The following OMD variants were observed in gnomAD, a reference collection of about 807,000 sequenced individuals.
The protein encoded by OMD is KSPG osteomodulin.
Under a neutral mutation model 31.2 loss-of-function variants are expected in OMD, and 19 were observed. The ratio of observed to expected loss-of-function variants is 0.61; its 90% CI spans 0.42 to 0.89. The LOEUF is 0.89. OMD is among the 40% of genes least tolerant of loss of function. OMD has a pLI of 0.00. For missense variants in OMD, 448 were observed against 490.8 expected (o/e 0.91, Z 0.82); for synonymous variants, 155 against 166.4 (o/e 0.93, Z 0.53).
rs35323105 is a variant in OMD at position 92,412,975 on chromosome 9, CTTTTTTTTTTT to C, written c.*2166_*2176del. 1.3e-4 allele frequency among the ~76,000 whole-genome samples: 6 copies of C among 45,246 alleles called. No individual in the cohort carries two copies. The highest frequency in any genetic ancestry group is 2.4e-4 in the Non-Finnish European group (6 of 25,394). The allele number at this position is 45,246 out of a possible 152,430, so 29.7% of individuals were successfully genotyped here. On this transcript the variant is annotated 3_prime_UTR_variant, in exon 3 of 3. Transcript: ENST00000375550. ...AATCGCTGGGTTATATGTAACTAAG[CTTTTTTTTTTT>C]TTTTTTTTTTTTTTTGATATGGACT...
At chr9:92,415,592 T>G (rs1043023089) in intron 2 of OMD, 115 bp from the exon 3 acceptor site, 1 of 458,720 alleles carries the variant, frequency 2.2e-6, no homozygotes, top group African/African-American at 2.0e-5. Flanking sequence ...ATTAAAATAT[T>G]TATAAATTGA....
In OMD at chr9:92,416,072, T is replaced by TATATATATA. The variant is rs368634649; in HGVS notation, c.940+546_940+547insTATATATAT. ...TATATATGTGTGTATATATATATATTTATTTATTTATTTATTTATTTATTT... is the reference window on the plus strand; with the variant it reads ...TATATATGTGTGTATATATATATATTATATATATATATTTATTTATTTATTTATTTATTT... On this transcript the variant is annotated intron_variant, in intron 2 of 2. Coordinates refer to ENST00000375550, the MANE Select transcript of OMD (RefSeq NM_005014.3). 1.1e-3 allele frequency among the ~76,000 whole-genome samples: 143 copies of TATATATATA among 125,394 alleles called. 1 individual carries two copies. The highest frequency in any genetic ancestry group is 6.5e-3 in the South Asian group (26 of 3,998). The allele number at this position is 125,394 out of a possible 152,430, so 82.3% of individuals were successfully genotyped here.
chr9:92,416,490 A>G (rs1415430069), intron 2 of OMD, 129 bp downstream of exon 2: 1 of 601,776 alleles, frequency 1.7e-6, no homozygotes, highest in East Asian at 2.9e-5. Flanking sequence ...GATTTCTGCC[A>G]TTCCCTTAAG....
intron 2 of OMD, among the ~76,000 whole-genome samples, chr9:92,416,068 A>ATATATTTATT (rs1275784821): frequency 2.6e-3 from 363 of 136,988 alleles, no homozygotes; most frequent in African/African-American, 8.6e-3. Context: ...GTATATATAT[A>ATATATTTATT]TATTTATTTA....
At position 92,415,019 on chromosome 9, in the gene OMD, T is replaced by C. The variant is rs1489941034; in HGVS notation, c.*133A>G. ...AAATGATGCAGATGTCACCAACAAC[T>C]TAAATTCAATTCTGATCTTATACTA... is the stretch of plus-strand genomic sequence containing the variant. On this transcript the variant is annotated 3_prime_UTR_variant, in exon 3 of 3. Coordinates refer to ENST00000375550, the MANE Select transcript of OMD (RefSeq NM_005014.3). The C allele has an allele frequency of 3.1e-6, 2 of 639,570 alleles. No homozygotes were observed. Among genetic ancestry groups the C allele is most frequent in the East Asian group, 6.1e-5 (2 of 32,754 alleles). 39.6% of individuals were successfully genotyped at this position (639,570 alleles called of 1,614,324 possible).
chr9:92,416,739 A>G lies in OMD; in HGVS notation c.820T>C (p.Tyr274His), dbSNP rs1302869001. 1.2e-6 allele frequency: 2 copies of G among 1,613,536 alleles called. No individual in the cohort carries two copies. Among genetic ancestry groups the G allele is most frequent in the Non-Finnish European group, 1.7e-6 (2 of 1,179,528 alleles). Residue 274 changes from tyrosine (Y) to histidine (H), a missense_variant, in exon 2 of 3, where the codon TAT becomes CAT. By Grantham distance (83) the Tyr-to-His change is moderately conservative (BLOSUM62 2). Coordinates refer to ENST00000375550, the MANE Select transcript of OMD (RefSeq NM_005014.3). ...ATGTTGGGAAGATTAAAAATATTAT[A>G]TGGGATGTCTTGTAGTTTGTTGTGT... ...MSHNKLQDIP[Y>H]NIFNLPNIVE... is the part of the protein sequence containing the mutation.
chr9:92,420,291 A>G (rs1405203433), intron 1 of OMD, among the ~76,000 whole-genome samples: 1 of 152,120 alleles, frequency 6.6e-6, no homozygotes, highest in Admixed American at 6.5e-5. Context: ...ATACCTCCCA[A>G]CATTGTCAGT....
chr9:92,413,282 C>T lies in OMD; in HGVS notation c.*1870G>A, dbSNP rs537304476. Among the ~76,000 whole-genome samples, 13 of 152,076 alleles carry T rather than the reference C, an allele frequency of 8.5e-5. No individual in the cohort carries two copies. The highest frequency in any genetic ancestry group is 1.3e-4 in the Non-Finnish European group (9 of 68,002). On this transcript the variant is annotated 3_prime_UTR_variant, in exon 3 of 3. Coordinates refer to ENST00000375550, the MANE Select transcript of OMD (RefSeq NM_005014.3). ...GATTACAGGTGTGAGCTAATGCGCC[C>T]GACTATATGTAACTAACTTTTTAAG... is the stretch of plus-strand genomic sequence containing the variant.
chr9:92,416,574 GA>G (rs768563024), intron 2 of OMD, 44 bp downstream of exon 2: 1 of 1,178,794 alleles, frequency 8.5e-7, no homozygotes, highest in South Asian at 1.6e-5. Context: ...AAAAGATCAG[GA>G]TTCCATTCTT....
intron 2 of OMD, among the ~76,000 whole-genome samples, chr9:92,416,070 A>ATATTT (rs1843594950): frequency 7.6e-6 from 1 of 131,326 alleles, no homozygotes; most frequent in African/African-American, 2.7e-5. Context: ...ATATATATAT[A>ATATTT]TTTATTTATT....
At chr9:92,421,720 T>C (rs943917761) in intron 1 of OMD, among the ~76,000 whole-genome samples, 48 of 152,172 alleles carry the variant, frequency 3.2e-4, no homozygotes, top group African/African-American at 1.1e-3. Flanking sequence ...CTATGCTAAG[T>C]TGGTGGAGAA....
chr9:92,418,678 T>C (rs1003007113), intron 1 of OMD, among the ~76,000 whole-genome samples: 18 of 152,158 alleles, frequency 1.2e-4, no homozygotes, highest in African/African-American at 4.3e-4. Context: ...ACAACTTCTA[T>C]TTGCTGATAC....
intron 1 of OMD, among the ~76,000 whole-genome samples, chr9:92,423,627 C>A (rs972205767): frequency 1.3e-5 from 2 of 151,848 alleles, no homozygotes; most frequent in East Asian, 3.9e-4. Flanking sequence ...ACATTTAAAT[C>A]GTAATTAACT....
chr9:92,417,268 G>A lies in OMD; in HGVS notation c.291C>T (p.Tyr97=), dbSNP rs1420141403. ...PNIPMHIQQL[Y]LQFNEIEAVT... ...CAGCCTCAATTTCATTGAACTGAAG[G>A]TAGAGTTGCTGAATGTGCATCGGAA... The change falls in exon 2 of 3, where the codon TAC becomes TAT. Residue 97 remains tyrosine, a synonymous_variant. Transcript: ENST00000375550. The A allele has an allele frequency of 6.2e-7, 1 of 1,614,082 alleles. No homozygotes were observed. Among genetic ancestry groups the A allele is most frequent in the Non-Finnish European group, 8.5e-7 (1 of 1,179,978 alleles).
At chr9:92,419,592 T>C (rs544664187) in intron 1 of OMD, among the ~76,000 whole-genome samples, 2 of 152,240 alleles carry the variant, frequency 1.3e-5, no homozygotes, top group East Asian at 3.9e-4. Context: ...AGCCACTGCA[T>C]CCAGCCTCCT....
rs1050833749 is a variant in OMD at position 92,413,110 on chromosome 9, A to C, written c.*2042T>G. ...GGCAATTCTCCTGCCTCAGCCTCGC[A>C]AGTAGCCGGGATTACAGGCATGTGC... is the stretch of plus-strand genomic sequence containing the variant. On this transcript the variant is annotated 3_prime_UTR_variant, in exon 3 of 3. Transcript: ENST00000375550. Among the ~76,000 whole-genome samples the C allele has an allele frequency of 2.7e-4, 40 of 149,282 alleles. No homozygotes were observed. The highest frequency in any genetic ancestry group is 9.2e-4 in the African/African-American group (37 of 40,266).
intron 1 of OMD, among the ~76,000 whole-genome samples, chr9:92,420,566 G>A (rs1419139389): frequency 6.6e-6 from 1 of 152,018 alleles, no homozygotes; most frequent in Non-Finnish European, 1.5e-5. Flanking sequence ...TCTCTTCTAC[G>A]CTACTGTTTT....
chr9:92,414,636 T>G lies in OMD; in HGVS notation c.*516A>C. On this transcript the variant is annotated 3_prime_UTR_variant, in exon 3 of 3. Coordinates refer to ENST00000375550, the MANE Select transcript of OMD (RefSeq NM_005014.3). ...TGGTGAGCTAGGGGGATGGATGTCA[T>G]AATGGTGAGATCACAAATACCAGTG... The G allele has an allele frequency of 4.8e-6, 1 of 208,526 alleles. No homozygotes were observed. Among genetic ancestry groups the G allele is most frequent in the Non-Finnish European group, 9.8e-6 (1 of 102,496 alleles). The allele number at this position is 208,526 out of a possible 1,614,324, so 12.9% of individuals were successfully genotyped here. A position where few individuals can be genotyped will look rare whatever the true frequency, so the allele number is the denominator to read the frequency against.
chr9:92,416,638 T>C lies in OMD; in HGVS notation c.921A>G (p.Leu307=). Residue 307 remains leucine, a synonymous_variant, in exon 2 of 3, where the codon CTA becomes CTG. Coordinates refer to ENST00000375550, the MANE Select transcript of OMD (RefSeq NM_005014.3). ...YIPRNLEHLY[L]QNNEIEKMNL... is the part of the protein sequence containing the mutation. The stretch of plus-strand genomic sequence containing the variant: ...ACATACTTTCTATTTCATTATTTTG[T>C]AGGTATAGGTGTTCCAAATTTCTTG... 6.4e-7 allele frequency: 1 copy of C among 1,557,166 alleles called. No individual in the cohort carries two copies. The highest frequency in any genetic ancestry group is 8.7e-7 in the Non-Finnish European group (1 of 1,150,630).
Sources: gnomAD v4.1 joint callset for allele counts (sites outside exome capture counted in the v4.1 genomes callset) on GRCh38, gnomAD v4.1.1 for gene constraint, MANE v1.5 for transcripts, NCBI Gene and HGNC (gene_info 2026-07-23, HGNC 2026-07-21) for gene names.